PAPOLA: variants seen among roughly 807,000 people sequenced by gnomAD.
PAPOLA encodes poly(A) polymerase alpha.
PAPOLA carries 15 observed loss-of-function variants against 100.6 expected under a neutral mutation model. The observed-to-expected ratio is 0.15, with a 90% CI of 0.10 to 0.23. The LOEUF (loss-of-function observed/expected upper bound fraction) is 0.23, where lower values mean the gene tolerates loss of function less well. Ranked by LOEUF, PAPOLA falls within the 10% of genes least tolerant of loss-of-function variation. PAPOLA has a pLI of 1.00. For missense variants in PAPOLA, 533 were observed against 884.2 expected (o/e 0.60, Z 5.04); for synonymous variants, 293 against 300.0 (o/e 0.98, Z 0.24).
intron 1 of PAPOLA, among the ~76,000 whole-genome samples, chr14:96,519,212 G>A (rs1251440386): frequency 1.3e-5 from 2 of 151,944 alleles, no homozygotes; most frequent in African/African-American, 4.8e-5. Context: ...ACAGGGGTGA[G>A]CCCACACCTG....
chr14:96,548,018 T>A, intron 16 of PAPOLA, 100 bp downstream of exon 16: 1 of 994,010 alleles, frequency 1.0e-6, no homozygotes, highest in South Asian at 1.6e-5. Flanking sequence ...TAAGTCATTT[T>A]AAATAGATGA....
chr14:96,556,563 G>C (rs2297243), intron 19 of PAPOLA, 150 bp downstream of exon 19: 78,937 of 669,008 alleles, frequency 0.12, 5,253 homozygotes, highest in South Asian at 0.16. Context: ...GTGCTTTAGT[G>C]CTGTAGTTTC....
intron 21 of PAPOLA, among the ~76,000 whole-genome samples, chr14:96,563,322 T>TA (rs1238807072): frequency 6.6e-6 from 1 of 152,218 alleles, no homozygotes; most frequent in African/African-American, 2.4e-5. Context: ...TGATTTCAGT[T>TA]AGTTATTTAA....
intron 19 of PAPOLA, among the ~76,000 whole-genome samples, chr14:96,560,099 T>C (rs1901713028): frequency 6.6e-6 from 1 of 152,184 alleles, no homozygotes; most frequent in South Asian, 2.1e-4. Context: ...ATTTTAATTC[T>C]GCTGAGAAAA....
intron 17 of PAPOLA, among the ~76,000 whole-genome samples, chr14:96,554,480 T>A (rs1243580143): frequency 6.6e-6 from 1 of 152,256 alleles, no homozygotes; most frequent in East Asian, 1.9e-4. Flanking sequence ...AGTTGACTGC[T>A]CCGTGGTTCC....
intron 15 of PAPOLA, among the ~76,000 whole-genome samples, chr14:96,544,684 A>G (rs1390521947): frequency 3.3e-5 from 5 of 152,112 alleles, no homozygotes; most frequent in South Asian, 4.1e-4. Context: ...AGTTAAGTAG[A>G]ACCATTCCAA....
intron 9 of PAPOLA, chr14:96,532,852 G>T: frequency 7.7e-7 from 1 of 1,291,636 alleles, no homozygotes; most frequent in Non-Finnish European, 9.8e-7. Context: ...TAGTAAGGCA[G>T]ATTCTATTTG....
At position 96,554,901 on chromosome 14, in the gene PAPOLA, A is replaced by G. The variant is rs77564952; in HGVS notation, c.1665-946A>G. ...GAAAGAATAGGGGTTAATTATAGAA[A>G]TAGGTGTGTCTCTTTAATATTTATA... On this transcript the variant is annotated intron_variant, in intron 17 of 21. Coordinates refer to ENST00000216277, the MANE Select transcript of PAPOLA (RefSeq NM_032632.5). Among the ~76,000 whole-genome samples the G allele has an allele frequency of 3.5e-4, 54 of 152,254 alleles. 1 individual carries two copies. The East Asian group carries it at 9.5e-3, about 27-fold the overall frequency.
intron 1 of PAPOLA, among the ~76,000 whole-genome samples, chr14:96,509,042 A>G (rs1896923316): frequency 6.6e-6 from 1 of 152,134 alleles, no homozygotes; most frequent in African/African-American, 2.4e-5. Context: ...TGGAGTCTTT[A>G]TTTATTTTTG....
At chr14:96,523,381 A>G (rs555864394) in intron 3 of PAPOLA, among the ~76,000 whole-genome samples, 3 of 152,240 alleles carry the variant, frequency 2.0e-5, no homozygotes, top group Non-Finnish European at 4.4e-5. Flanking sequence ...TACACTAGCA[A>G]CATTTCAGGT....
chr14:96,556,273 G>A lies in PAPOLA; in HGVS notation c.1864G>A (p.Val622Ile). 1 of 1,613,936 alleles carries A rather than the reference G, an allele frequency of 6.2e-7. No homozygotes were observed. Among genetic ancestry groups the A allele is most frequent in the Non-Finnish European group, 8.5e-7 (1 of 1,179,986 alleles). ...CAGAGTTGTTTCTTCAACACGTCTG[G>A]TAAACCCACCACCTAGATCTTCAGG... is the stretch of plus-strand genomic sequence containing the variant. ...VSRVVSSTRLVNPPPRSSGNA... is the reference protein window; with the variant it reads ...VSRVVSSTRLINPPPRSSGNA... The change falls in exon 19 of 22, where the codon GTA becomes ATA. Residue 622 changes from valine (V) to isoleucine (I), a missense_variant. By Grantham distance (29) the Val-to-Ile change is conservative (BLOSUM62 3). Coordinates refer to ENST00000216277, the MANE Select transcript of PAPOLA (RefSeq NM_032632.5).
intron 1 of PAPOLA, among the ~76,000 whole-genome samples, chr14:96,511,670 AC>A (rs1297037588): frequency 6.6e-6 from 1 of 152,206 alleles, no homozygotes; most frequent in East Asian, 1.9e-4. Flanking sequence ...AACAGAGACT[AC>A]CTTAAGCATC....
chr14:96,542,334 T>G (rs1595540761), intron 13 of PAPOLA, 38 bp downstream of exon 13: 1 of 1,232,734 alleles, frequency 8.1e-7, no homozygotes, highest in Admixed American at 1.8e-5. Context: ...AAAGCAAACT[T>G]CAAAATGAAT....
chr14:96,517,132 A>T (rs925326675), intron 1 of PAPOLA, among the ~76,000 whole-genome samples: 4 of 152,224 alleles, frequency 2.6e-5, no homozygotes, highest in Non-Finnish European at 5.9e-5. Flanking sequence ...CTTATACTTG[A>T]CTTAAAAGCT....
At chr14:96,557,260 A>G (rs1171384894) in intron 19 of PAPOLA, among the ~76,000 whole-genome samples, 3 of 151,974 alleles carry the variant, frequency 2.0e-5, no homozygotes, top group Non-Finnish European at 4.4e-5. Context: ...TATGTTATCC[A>G]GGCTTGTCTC....
chr14:96,518,199 G>A (rs1172428638), intron 1 of PAPOLA, among the ~76,000 whole-genome samples: 1 of 152,156 alleles, frequency 6.6e-6, no homozygotes, highest in Non-Finnish European at 1.5e-5. Context: ...ACTAGACCAG[G>A]CAACAGTAAA....
chr14:96,525,516 G>T, intron 4 of PAPOLA, 125 bp downstream of exon 4: 1 of 505,030 alleles, frequency 2.0e-6, no homozygotes, highest in Non-Finnish European at 3.5e-6. Context: ...GCTTTGAGGA[G>T]TCTAAATTTT....
Position 96,520,215 on chromosome 14 carries a change from G to A in PAPOLA, c.169G>A (p.Glu57Lys). The change falls in exon 2 of 22, where the codon GAA (glutamate) becomes AAA (lysine). Residue 57 changes from glutamate to lysine, a missense_variant. Around this residue, in one of 9 missense-constraint regions of PAPOLA, gnomAD observed 54 missense variants for 133.2 expected, o/e 0.41. Transcript: ENST00000216277. ...KPFGVFEEEEELQRRILILGK... is the reference protein window; with the variant it reads ...KPFGVFEEEEKLQRRILILGK... ...CTTTGGGGTTTTTGAAGAGGAAGAG[G>A]AACTGCAGCGCAGGTAAATAGATAT... is the stretch of plus-strand genomic sequence containing the variant. 6.2e-7 allele frequency: 1 copy of A among 1,610,712 alleles called. No homozygotes were observed.
intron 9 of PAPOLA, chr14:96,533,952 C>T: frequency 1.0e-6 from 1 of 985,296 alleles, no homozygotes; most frequent in Non-Finnish European, 1.2e-6. Flanking sequence ...GTTTTTACCT[C>T]TTTCATATGG....
Sources: gnomAD v4.1 joint callset for allele counts (sites outside exome capture counted in the v4.1 genomes callset) on GRCh38, gnomAD v4.1.1 for gene constraint, gnomAD v4.1.1 regional missense constraint, MANE v1.5 for transcripts, NCBI Gene and HGNC (gene_info 2026-07-23, HGNC 2026-07-21) for gene names.